FOXO3: variants seen among roughly 807,000 people sequenced by gnomAD.
The protein encoded by FOXO3 is forkhead box O3, also known as forkhead box protein O3.
FOXO3 carries 4 observed loss-of-function variants against 41.9 expected under a neutral mutation model. That is an observed-to-expected ratio of 0.10 (90% confidence interval 0.05 to 0.22). FOXO3 has a LOEUF of 0.22. Among genes scored for constraint, FOXO3 ranks in the 10% least tolerant of loss-of-function variants. FOXO3 has a pLI of 1.00. For missense variants in FOXO3, 534 were observed against 906.8 expected, an observed-to-expected ratio of 0.59 and a Z score of 5.28; for synonymous variants, 318 against 389.3, an observed-to-expected ratio of 0.82 and a Z score of 2.16.
At chr6:108,560,863 C>CCCGCGCGAGG, upstream of FOXO3, 1 of 823,450 alleles carries the variant, frequency 1.2e-6, no homozygotes, top group Non-Finnish European at 1.6e-6. Context: ...AGGGGGCTGC[C>CCCGCGCGAGG]CCGCGCGAGG....
At chr6:108,657,738 G>A (rs1393607854) in intron 1 of FOXO3, among the ~76,000 whole-genome samples, 3 of 152,184 alleles carry the variant, frequency 2.0e-5, no homozygotes, top group African/African-American at 7.2e-5. Context: ...TGGCAGGAGG[G>A]ACATTTGAAA....
intron 2 of FOXO3, among the ~76,000 whole-genome samples, chr6:108,673,273 C>T (rs1307090114): frequency 2.6e-5 from 4 of 152,190 alleles, no homozygotes; most frequent in Non-Finnish European, 4.4e-5. Flanking sequence ...CAGCCCCAGC[C>T]GGCACTTACA....
intron 2 of FOXO3, among the ~76,000 whole-genome samples, chr6:108,671,398 G>T (rs1425751353): frequency 6.6e-6 from 1 of 152,218 alleles, no homozygotes; most frequent in African/African-American, 2.4e-5. Flanking sequence ...CTCCCCTGCA[G>T]CCCACTCCAA....
At chr6:108,635,082 C>T (rs186517303) in intron 1 of FOXO3, among the ~76,000 whole-genome samples, 48 of 151,962 alleles carry the variant, frequency 3.2e-4, no homozygotes, top group African/African-American at 9.2e-4. Context: ...GCAGATAACA[C>T]TTGAGGCCAG....
intron 1 of FOXO3, among the ~76,000 whole-genome samples, chr6:108,626,806 A>G (rs1360171921): frequency 6.6e-6 from 1 of 152,222 alleles, no homozygotes; most frequent in East Asian, 1.9e-4. Flanking sequence ...CATTAACCAG[A>G]TACTTAAAAC....
chr6:108,647,671 A>G (rs1297988648), intron 1 of FOXO3, among the ~76,000 whole-genome samples: 1 of 152,200 alleles, frequency 6.6e-6, no homozygotes, highest in Non-Finnish European at 1.5e-5. Flanking sequence ...ATGTCCGTGA[A>G]CACCATAGTG....
At chr6:108,626,630 G>C (rs182748589) in intron 1 of FOXO3, among the ~76,000 whole-genome samples, 1 of 146,530 alleles carries the variant, frequency 6.8e-6, no homozygotes, top group East Asian at 2.0e-4. Context: ...TTTTTTTTAA[G>C]TTTAAGCCCA....
In FOXO3 at chr6:108,593,240, G is replaced by C. The variant is rs191723098; in HGVS notation, c.621+31411G>C. On this transcript the variant is annotated intron_variant, in intron 1 of 2. Coordinates refer to ENST00000406360, the MANE Select transcript of FOXO3 (RefSeq NM_001455.4). Reference sequence around the variant, plus strand: ...AAAAGATTGTGAAATAGGGTGTGCAGATATTTTAGGTAGTACTATTTTTTA... The same window carrying C: ...AAAAGATTGTGAAATAGGGTGTGCACATATTTTAGGTAGTACTATTTTTTA... Among the ~76,000 whole-genome samples, 45 of 152,278 alleles carry C rather than the reference G, an allele frequency of 3.0e-4. 1 individual carries two copies. The highest frequency in any genetic ancestry group is 2.7e-3 in the Admixed American group (41 of 15,290).
chr6:108,624,624 TA>T (rs1173739818), intron 1 of FOXO3, among the ~76,000 whole-genome samples: 1 of 152,214 alleles, frequency 6.6e-6, no homozygotes, highest in Non-Finnish European at 1.5e-5. Context: ...TATAAAAAGT[TA>T]AAGTTCGTAT....
At chr6:108,590,473 T>C (rs1352716375) in intron 1 of FOXO3, among the ~76,000 whole-genome samples, 1 of 152,200 alleles carries the variant, frequency 6.6e-6, no homozygotes, top group Non-Finnish European at 1.5e-5. Context: ...TTATTTAAAA[T>C]ACTAAATGAA....
intron 1 of FOXO3, among the ~76,000 whole-genome samples, chr6:108,584,693 C>G (rs1254311823): frequency 6.6e-6 from 1 of 152,096 alleles, no homozygotes; most frequent in Admixed American, 6.5e-5. Flanking sequence ...TGGAAACTTG[C>G]ATTTACTAGG....
intron 1 of FOXO3, among the ~76,000 whole-genome samples, chr6:108,646,391 T>G (rs536221438): frequency 6.6e-6 from 1 of 152,354 alleles, no homozygotes; most frequent in East Asian, 1.9e-4. Flanking sequence ...TCAAAGGTTG[T>G]GTGCAGTATC....
chr6:108,641,692 T>A (rs1040767213), intron 1 of FOXO3, among the ~76,000 whole-genome samples: 1 of 152,074 alleles, frequency 6.6e-6, no homozygotes, highest in African/African-American at 2.4e-5. Context: ...CAGGATGGCA[T>A]GTGAGGACTG....
intron 2 of FOXO3, among the ~76,000 whole-genome samples, chr6:108,668,031 G>C (rs1375626950): frequency 6.6e-6 from 1 of 152,208 alleles, no homozygotes; most frequent in Non-Finnish European, 1.5e-5. Flanking sequence ...TAAATTCACA[G>C]AACGAGGCTG....
chr6:108,584,209 A>G (rs1225836222), intron 1 of FOXO3, among the ~76,000 whole-genome samples: 1 of 152,148 alleles, frequency 6.6e-6, no homozygotes. Flanking sequence ...GCAAACAGAA[A>G]GTTGTTTTTC....
intron 1 of FOXO3, among the ~76,000 whole-genome samples, chr6:108,633,810 C>T (rs1280331771): frequency 6.6e-6 from 1 of 151,036 alleles, no homozygotes; most frequent in East Asian, 1.9e-4. Context: ...TACCTTTGTA[C>T]TATTTTTTAC....
chr6:108,616,542 C>A (rs888981716), intron 1 of FOXO3, among the ~76,000 whole-genome samples: 1 of 152,230 alleles, frequency 6.6e-6, no homozygotes, highest in South Asian at 2.1e-4. Flanking sequence ...AGCAATCCTC[C>A]CAACTCTGCT....
At chr6:108,587,698 T>C (rs897828174) in intron 1 of FOXO3, among the ~76,000 whole-genome samples, 8 of 152,198 alleles carry the variant, frequency 5.3e-5, no homozygotes, top group African/African-American at 1.9e-4. Flanking sequence ...TCTCCTGCTT[T>C]TGCATTGTCA....
intron 1 of FOXO3, among the ~76,000 whole-genome samples, chr6:108,614,796 T>C (rs945764742): frequency 1.3e-5 from 2 of 152,104 alleles, no homozygotes; most frequent in African/African-American, 2.4e-5. Flanking sequence ...ATCTGTTATC[T>C]TGCTATTAGT....
Sources: gnomAD v4.1 joint callset for allele counts (sites outside exome capture counted in the v4.1 genomes callset) on GRCh38, gnomAD v4.1.1 for gene constraint, MANE v1.5 for transcripts, NCBI Gene and HGNC (gene_info 2026-07-23, HGNC 2026-07-21) for gene names.